The following ZNF567 variants were observed in gnomAD, a reference collection of about 807,000 sequenced individuals.
ZNF567 encodes the protein zinc finger protein 567.
In ZNF567, 36 loss-of-function variants were observed where a neutral mutation model predicts 53.9. That is an observed-to-expected ratio of 0.67 (90% CI 0.51 to 0.88). The LOEUF (loss-of-function observed/expected upper bound fraction) is 0.88. Ranked by LOEUF, ZNF567 falls within the 40% of genes least tolerant of loss-of-function variation. ZNF567 has a pLI of 0.00. For synonymous variants in ZNF567, 224 were observed against 260.4 expected (o/e 0.86, Z 1.35); for missense variants, 619 against 764.7 (o/e 0.81, Z 2.25).
Position 36,719,591 on chromosome 19 carries a change from A to G in ZNF567, c.867A>G (p.Ala289=). 1.2e-6 allele frequency: 2 copies of G among 1,614,164 alleles called. No individual in the cohort carries two copies. The highest frequency in any genetic ancestry group is 1.7e-6 in the Non-Finnish European group (2 of 1,180,018). Residue 289 remains alanine, a synonymous_variant, in exon 6 of 6, where the codon GCA becomes GCG. Transcript: ENST00000682579. Reference sequence around the variant, plus strand: ...ATCAATGTCATCAATGTGGAAATGCATTTAGAAGGAAATCATATCTCATTG... The same window carrying G: ...ATCAATGTCATCAATGTGGAAATGCGTTTAGAAGGAAATCATATCTCATTG... ...KPYQCHQCGN[A]FRRKSYLIDH... is the part of the protein sequence containing the mutation.
At chr19:36,677,518 G>T in the ZNF567 span, among the ~76,000 whole-genome samples, 3 of 141,818 alleles carry the variant, frequency 2.1e-5, no homozygotes, top group Non-Finnish European at 4.5e-5. Flanking sequence ...TTTAATCCCA[G>T]CACTTTGGGA....
chr19:36,679,248 T>C, the ZNF567 span, among the ~76,000 whole-genome samples: 1 of 152,106 alleles, frequency 6.6e-6, no homozygotes, highest in South Asian at 2.1e-4. Flanking sequence ...ATTGCATCAC[T>C]GCACTCCAGC....
At chr19:36,679,041 C>G in the ZNF567 span, among the ~76,000 whole-genome samples, 1 of 152,078 alleles carries the variant, frequency 6.6e-6, no homozygotes, top group African/African-American at 2.4e-5. Context: ...AATCCCAGCA[C>G]TTTGGGAGGC....
chr19:36,715,690 C>T (rs1382590544), intron 5 of ZNF567, among the ~76,000 whole-genome samples: 10 of 150,826 alleles, frequency 6.6e-5, no homozygotes, highest in Non-Finnish European at 1.0e-4. Context: ...CCACCACACC[C>T]GGCTAATTTT....
intron 2 of ZNF567, among the ~76,000 whole-genome samples, chr19:36,689,698 A>G (rs1374397091): frequency 6.6e-6 from 1 of 152,056 alleles, no homozygotes; most frequent in Non-Finnish European, 1.5e-5. Flanking sequence ...GCCTCCACCC[A>G]TGGGGTCTTC....
At chr19:36,672,337 A>T in the ZNF567 span, among the ~76,000 whole-genome samples, 1 of 152,196 alleles carries the variant, frequency 6.6e-6, no homozygotes, top group Non-Finnish European at 1.5e-5. Context: ...AGAGATATGG[A>T]CCTCGCTGAA....
chr19:36,694,964 A>G, intron 3 of ZNF567, 88 bp downstream of exon 3: 1 of 1,376,580 alleles, frequency 7.3e-7, no homozygotes, highest in East Asian at 2.5e-5. Context: ...CTTGTCCTAC[A>G]TCCTCCTACC....
downstream of ZNF567, among the ~76,000 whole-genome samples, chr19:36,726,165 C>A (rs1182119990): frequency 6.6e-6 from 1 of 152,042 alleles, no homozygotes; most frequent in Non-Finnish European, 1.5e-5. Context: ...TGGACTAATT[C>A]TTTGTTGAGA....
intron 3 of ZNF567, among the ~76,000 whole-genome samples, chr19:36,707,248 T>A (rs2039544311): frequency 1.3e-5 from 2 of 152,182 alleles, no homozygotes; most frequent in Admixed American, 1.3e-4. Flanking sequence ...GTTTGTTTTG[T>A]TTTTTAGTGG....
chr19:36,713,652 C>T (rs907043955), intron 5 of ZNF567, among the ~76,000 whole-genome samples: 8 of 150,512 alleles, frequency 5.3e-5, no homozygotes, highest in East Asian at 2.0e-4. Flanking sequence ...TCACTCTCTC[C>T]GGCTGGGCAC....
chr19:36,722,299 A>C (rs2040311645), downstream of ZNF567, among the ~76,000 whole-genome samples: 1 of 152,200 alleles, frequency 6.6e-6, no homozygotes, highest in East Asian at 1.9e-4. Context: ...GTAGAAATTG[A>C]AATTTATTAA....
At chr19:36,723,291 T>C, downstream of ZNF567, 1 of 700,708 alleles carries the variant, frequency 1.4e-6, no homozygotes, top group South Asian at 1.5e-5. Flanking sequence ...TCCCCTTTGA[T>C]TTTGCATTTC....
chr19:36,722,732 G>A (rs1291539499), downstream of ZNF567, among the ~76,000 whole-genome samples: 1 of 152,184 alleles, frequency 6.6e-6, no homozygotes, highest in Non-Finnish European at 1.5e-5. Flanking sequence ...GACAGCCATT[G>A]CCAATCAGTA....
rs777758972 is a variant in ZNF567, at chr19:36,719,635, C to T, written c.911C>T (p.Thr304Ile). Residue 304 changes from threonine (T) to isoleucine (I), a missense_variant, in exon 6 of 6, where the codon ACA becomes ATA. By Grantham distance (89) the Thr-to-Ile change is moderately conservative (BLOSUM62 -1). Coordinates refer to ENST00000682579, the MANE Select transcript of ZNF567 (RefSeq NM_001322917.1). ...SYLIDHQRTH[T>I]GEKPFVCNEC... ...CTCATTGATCATCAGAGAACTCACA[C>T]AGGAGAGAAACCCTTTGTTTGCAAT... 2 of 1,613,990 alleles carry T rather than the reference C, an allele frequency of 1.2e-6. No homozygotes were observed. Among genetic ancestry groups the T allele is most frequent in the South Asian group, 2.2e-5 (2 of 91,084 alleles).
intron 3 of ZNF567, among the ~76,000 whole-genome samples, chr19:36,705,669 T>C (rs2039453981): frequency 6.6e-6 from 1 of 151,190 alleles, no homozygotes; most frequent in Non-Finnish European, 1.5e-5. Flanking sequence ...ACCCTGTAAA[T>C]ATCAGTGAGA....
the ZNF567 span, among the ~76,000 whole-genome samples, chr19:36,677,591 A>T: frequency 4.0e-4 from 61 of 151,430 alleles, no homozygotes; most frequent in African/African-American, 1.5e-3. Context: ...ACATGTCGAA[A>T]CCCCATCTCT....
In ZNF567 at chr19:36,719,952, G is replaced by GAGTTCTC. The variant is rs750542995; in HGVS notation, c.1228_1229insAGTTCTC (p.Val410GlufsTer17). 6.2e-7 allele frequency: 1 copy of GAGTTCTC among 1,613,986 alleles called. No individual in the cohort carries two copies. The highest frequency in any genetic ancestry group is 1.1e-5 in the South Asian group (1 of 91,072). ...CTTTCACCAGAAGGCAAATCTTACTGTACATCAGAGAACTCATACAGGGGA... is the reference window on the plus strand; with the variant it reads ...CTTTCACCAGAAGGCAAATCTTACTGAGTTCTCTACATCAGAGAACTCATACAGGGGA... On this transcript the variant is annotated frameshift_variant, in exon 6 of 6. Transcript: ENST00000682579. LOFTEE classifies it high-confidence loss of function.
rs757238534 is a variant in ZNF567, at chr19:36,712,784, G to A, written c.140G>A (p.Cys47Tyr). 3.7e-5 allele frequency: 59 copies of A among 1,612,400 alleles called. No homozygotes were observed. The highest frequency in any genetic ancestry group is 4.9e-5 in the Non-Finnish European group (58 of 1,179,506). The change falls in exon 5 of 6, where the codon TGT becomes TAT. Residue 47 changes from cysteine (C) to tyrosine (Y), a missense_variant. Transcript: ENST00000682579. ...ENYCHLISVG[C>Y]HMTKPDVILK... Reference sequence around the variant, plus strand: ...AAGTCTTTTTTTCACTTTTCAGGGTGTCACATGACCAAACCTGATGTGATC... The same window carrying A: ...AAGTCTTTTTTTCACTTTTCAGGGTATCACATGACCAAACCTGATGTGATC...
At chr19:36,709,394 A>T (rs575799141) in intron 3 of ZNF567, among the ~76,000 whole-genome samples, 37 of 152,180 alleles carry the variant, frequency 2.4e-4, no homozygotes, top group African/African-American at 3.9e-4. Context: ...ATGAATATTT[A>T]TACTCTTACA....
Sources: gnomAD v4.1 joint callset for allele counts (sites outside exome capture counted in the v4.1 genomes callset) on GRCh38, gnomAD v4.1.1 for gene constraint, MANE v1.5 for transcripts, NCBI Gene and HGNC (gene_info 2026-07-23, HGNC 2026-07-21) for gene names.